Variants in KDM2A observed in about 807,000 individuals in gnomAD.
KDM2A encodes lysine-specific demethylase 2A.
A neutral mutation model predicts 137.3 loss-of-function variants in KDM2A; 3 were observed. The ratio of observed to expected loss-of-function variants is 0.02; its 90% CI spans 0.01 to 0.06. The LOEUF is 0.06. Ranked by LOEUF, KDM2A falls within the 10% of genes least tolerant of loss-of-function variation. The pLI, the probability that KDM2A is intolerant of heterozygous loss-of-function variation, is 1.00. For missense variants in KDM2A, 738 were observed against 1,510.6 expected, an observed-to-expected ratio of 0.49 and a Z score of 8.48; for synonymous variants, 512 against 541.5, an observed-to-expected ratio of 0.95 and a Z score of 0.76.
At chr11:67,166,741 A>C (rs1008913747) in intron 2 of KDM2A, among the ~76,000 whole-genome samples, 1 of 152,032 alleles carries the variant, frequency 6.6e-6, no homozygotes, top group Admixed American at 6.6e-5. Context: ...GGGGACCAAG[A>C]AGGGAGTACA....
chr11:67,199,557 C>G (rs1857565842), intron 5 of KDM2A, among the ~76,000 whole-genome samples: 1 of 152,186 alleles, frequency 6.6e-6, no homozygotes, highest in Admixed American at 6.5e-5. Flanking sequence ...CTATAACATT[C>G]CCTTAACAAA....
At chr11:67,159,790 A>G (rs181590337) in intron 2 of KDM2A, among the ~76,000 whole-genome samples, 4 of 152,310 alleles carry the variant, frequency 2.6e-5, no homozygotes, top group East Asian at 1.9e-4. Flanking sequence ...TTTGAAGACA[A>G]TAGTGGGAAT....
In KDM2A at chr11:67,245,582, G is replaced by A. The variant is rs763551323; in HGVS notation, c.1833+124G>A. The A allele has an allele frequency of 2.8e-5, 31 of 1,117,510 alleles. No homozygotes were observed. Among genetic ancestry groups the A allele is most frequent in the Non-Finnish European group, 3.1e-5 (25 of 796,642 alleles). The allele number at this position is 1,117,510 out of a possible 1,614,324, so 69.2% of individuals were successfully genotyped here. ...AAGAAAAGGTTTATACTCTCTTTTT[G>A]GCTTTATTTTGTACCTTTTTTCCCC... On this transcript the variant is annotated intron_variant, in intron 14 of 20. Coordinates refer to ENST00000529006, the MANE Select transcript of KDM2A (RefSeq NM_012308.3). The surrounding 1 kb of genome is among the most constrained non-coding windows in gnomAD (Gnocchi z 4.1).
chr11:67,185,630 T>C (rs192125175), intron 5 of KDM2A, among the ~76,000 whole-genome samples: 393 of 148,860 alleles, frequency 2.6e-3, no homozygotes, highest in Non-Finnish European at 4.6e-3. Flanking sequence ...CGAGCGAAAC[T>C]CTGTCGCAAA....
chr11:67,162,109 C>T (rs1034430536), intron 2 of KDM2A, among the ~76,000 whole-genome samples: 5 of 152,042 alleles, frequency 3.3e-5, no homozygotes, highest in African/African-American at 1.2e-4. Flanking sequence ...TGAATAGGCT[C>T]CCTAAGAAAT....
chr11:67,248,271 C>T lies in KDM2A; in HGVS notation c.1966-10C>T, dbSNP rs1444295282. 4 of 1,589,634 alleles carry T rather than the reference C, an allele frequency of 2.5e-6. No individual in the cohort carries two copies. In the African/African-American group the frequency reaches 5.4e-5, roughly 21 times the overall value. On this transcript the variant is annotated splice_polypyrimidine_tract_variant and intron_variant, in intron 15 of 20. Coordinates refer to ENST00000529006, the MANE Select transcript of KDM2A (RefSeq NM_012308.3). The stretch of plus-strand genomic sequence containing the variant: ...GACAGGCTTTTAAAAACATCTCTGT[C>T]TTCCTATAGATGGACGGAGAGGGGT...
chr11:67,252,804 G>A lies in KDM2A; in HGVS notation c.2879G>A (p.Ser960Asn), dbSNP rs780390651. Reference protein sequence around the residue: ...IKRQPVSLDLSWTNISKKQLT... With the variant: ...IKRQPVSLDLNWTNISKKQLT... ...AGGCAGCCAGTCAGCCTTGACCTCAGTTGGACCAACATCTCTAAAAAGCAA... is the reference window on the plus strand; with the variant it reads ...AGGCAGCCAGTCAGCCTTGACCTCAATTGGACCAACATCTCTAAAAAGCAA... Residue 960 changes from serine (S) to asparagine (N), a missense_variant, in exon 18 of 21, where the codon AGT (serine) becomes AAT (asparagine). Ser to Asn is a conservative substitution (Grantham distance 46). Around this residue, in one of 9 missense-constraint regions of KDM2A, gnomAD observed 166 missense variants for 324.0 expected, o/e 0.51. Coordinates refer to ENST00000529006, the MANE Select transcript of KDM2A (RefSeq NM_012308.3). 2.5e-6 allele frequency: 4 copies of A among 1,613,856 alleles called. No homozygotes were observed. Among genetic ancestry groups the A allele is most frequent in the Non-Finnish European group, 8.5e-7 (1 of 1,179,768 alleles).
intron 5 of KDM2A, among the ~76,000 whole-genome samples, chr11:67,190,105 C>T (rs1857313834): frequency 6.6e-6 from 1 of 152,214 alleles, no homozygotes. Flanking sequence ...GATCGAATTA[C>T]TAAAATCAGA....
At chr11:67,246,910 A>G (rs1198032416) in intron 15 of KDM2A, among the ~76,000 whole-genome samples, 1 of 151,456 alleles carries the variant, frequency 6.6e-6, no homozygotes, top group East Asian at 1.9e-4. Context: ...GGAGGCATTA[A>G]GCATATGTTG....
intron 5 of KDM2A, among the ~76,000 whole-genome samples, chr11:67,189,622 C>T (rs1227362740): frequency 1.3e-5 from 2 of 152,064 alleles, no homozygotes; most frequent in African/African-American, 2.4e-5. Flanking sequence ...GGTGGATCAC[C>T]TGAGGTCAGG....
At position 67,250,269 on chromosome 11, in the gene KDM2A, G is replaced by A. The variant is rs753167233; in HGVS notation, c.2239G>A (p.Asp747Asn). 7.4e-6 allele frequency: 12 copies of A among 1,613,738 alleles called. No individual in the cohort carries two copies. The highest frequency in any genetic ancestry group is 3.3e-5 in the South Asian group (3 of 91,082). Residue 747 changes from aspartate (D) to asparagine (N), a missense_variant, in exon 17 of 21, where the codon GAC (aspartate) becomes AAC (asparagine). By Grantham distance (23) the Asp-to-Asn change is conservative (BLOSUM62 1). Transcript: ENST00000529006. This position sits in a 1 kb window ranked among gnomAD's most constrained non-coding sequence, Gnocchi z 7.1. ...TRSSPGAGPS[D>N]HHSASRDERF... ...GTCATCCCCTGGGGCTGGCCCCAGC[G>A]ACCACCACAGTGCCAGCCGCGATGA...
intron 2 of KDM2A, among the ~76,000 whole-genome samples, chr11:67,160,141 T>C (rs544760297): frequency 1.3e-5 from 2 of 152,268 alleles, no homozygotes; most frequent in Middle Eastern, 3.4e-3. Context: ...TTAGGACTAA[T>C]TGGGAGAAAA....
chr11:67,167,144 A>T (rs912439041), intron 2 of KDM2A, among the ~76,000 whole-genome samples: 1 of 152,236 alleles, frequency 6.6e-6, no homozygotes, highest in Non-Finnish European at 1.5e-5. Flanking sequence ...AGACAAATAT[A>T]TGCATATTCT....
In KDM2A at chr11:67,250,538, A is replaced by G. The variant is rs1382826596; in HGVS notation, c.2508A>G (p.Leu836=). The part of the protein sequence containing the change: ...SANLRHSPRV[L]VQHCPARTPQ... Reference sequence around the variant, plus strand: ...ACCTTCGCCATTCCCCCCGTGTGCTAGTGCAGCACTGCCCAGCCCGAACCC... The same window carrying G: ...ACCTTCGCCATTCCCCCCGTGTGCTGGTGCAGCACTGCCCAGCCCGAACCC... The change falls in exon 17 of 21, where the codon CTA becomes CTG. Residue 836 remains leucine, a synonymous_variant. Transcript: ENST00000529006. The surrounding 1 kb of genome is among the most constrained non-coding windows in gnomAD (Gnocchi z 7.1). 6.2e-7 allele frequency: 1 copy of G among 1,613,500 alleles called. No individual in the cohort carries two copies. Among genetic ancestry groups the G allele is most frequent in the African/African-American group, 1.3e-5 (1 of 74,982 alleles).
At chr11:67,173,549 G>T (rs1325636984) in intron 2 of KDM2A, among the ~76,000 whole-genome samples, 1 of 151,808 alleles carries the variant, frequency 6.6e-6, no homozygotes, top group Non-Finnish European at 1.5e-5. Flanking sequence ...GAGCCACCAT[G>T]CCCAGCCAGT....
At chr11:67,190,499 C>G (rs1857325965) in intron 5 of KDM2A, among the ~76,000 whole-genome samples, 1 of 152,156 alleles carries the variant, frequency 6.6e-6, no homozygotes, top group African/African-American at 2.4e-5. Flanking sequence ...GTGGCTCATT[C>G]CAGTAATCCT....
At chr11:67,244,841 C>T (rs1859156666) in intron 13 of KDM2A, among the ~76,000 whole-genome samples, 2 of 152,018 alleles carry the variant, frequency 1.3e-5, no homozygotes, top group Non-Finnish European at 2.9e-5. Context: ...AAAAAATTAG[C>T]TGGGCATGGT....
At chr11:67,124,307 C>G (rs1444498921) in intron 2 of KDM2A, among the ~76,000 whole-genome samples, 1 of 139,566 alleles carries the variant, frequency 7.2e-6, no homozygotes, top group Non-Finnish European at 1.6e-5. Flanking sequence ...CCCGGCTTCA[C>G]TTTATTTTTA....
chr11:67,181,892 G>A lies in KDM2A; in HGVS notation c.307G>A (p.Gly103Arg). The A allele has an allele frequency of 6.2e-7, 1 of 1,613,584 alleles. No individual in the cohort carries two copies. The highest frequency in any genetic ancestry group is 1.7e-5 in the Admixed American group (1 of 59,996). ...TGTGAATGATGTCAAAATGTGTGTGGGTAAGTGTCGAGCTTTTGGCCTCTG... is the reference window on the plus strand; with the variant it reads ...TGTGAATGATGTCAAAATGTGTGTGAGTAAGTGTCGAGCTTTTGGCCTCTG... Reference protein sequence around the residue: ...FTVNDVKMCVGSRRMVDVMDV... With the variant: ...FTVNDVKMCVRSRRMVDVMDV... The change falls in exon 5 of 21, where the codon GGG (glycine) becomes AGG (arginine). Residue 103 changes from glycine to arginine, a missense_variant and splice_region_variant. Coordinates refer to ENST00000529006, the MANE Select transcript of KDM2A (RefSeq NM_012308.3).
Sources: allele counts gnomAD v4.1 joint callset (sites outside exome capture counted in the v4.1 genomes callset), GRCh38; gene constraint gnomAD v4.1.1; regional missense constraint gnomAD v4.1.1; non-coding constraint Gnocchi (gnomAD v3.1); transcripts MANE v1.5; gene names NCBI Gene and HGNC (gene_info 2026-07-23, HGNC 2026-07-21).